Variants in HMCN1 observed in about 807,000 individuals in gnomAD.
The protein encoded by HMCN1 is hemicentin 1.
HMCN1 carries 321 observed loss-of-function variants against 625.9 expected under a neutral mutation model. That is an observed-to-expected ratio of 0.51 (90% CI 0.47 to 0.56). The LOEUF is 0.56. Ranked by LOEUF, HMCN1 falls within the 20% of genes least tolerant of loss-of-function variation. HMCN1 has a pLI of 0.00. For missense variants in HMCN1, 6,588 were observed against 6,887.3 expected, an observed-to-expected ratio of 0.96 and a Z score of 1.54; for synonymous variants, 2,425 against 2,417.6, an observed-to-expected ratio of 1.00 and a Z score of -0.09.
intron 18 of HMCN1, 95 bp from the exon 19 acceptor site, chr1:185,984,074 T>C: frequency 1.1e-6 from 1 of 899,680 alleles, no homozygotes; most frequent in Non-Finnish European, 1.7e-6. Context: ...AGACTTTTAG[T>C]AACCCAGTTG....
intron 10 of HMCN1, among the ~76,000 whole-genome samples, chr1:185,931,830 G>T (rs1032134072): frequency 6.6e-6 from 1 of 152,134 alleles, no homozygotes; most frequent in South Asian, 2.1e-4. Context: ...GAGCTAGAAG[G>T]AGTCTTTATG....
chr1:186,046,279 G>A (rs188219403), intron 41 of HMCN1, among the ~76,000 whole-genome samples: 1 of 152,198 alleles, frequency 6.6e-6, no homozygotes, highest in Non-Finnish European at 1.5e-5. Context: ...GACCAGCCCA[G>A]CCAACATGGT....
chr1:186,124,352 A>ATTTT (rs1209814328), intron 81 of HMCN1, among the ~76,000 whole-genome samples: 5 of 152,104 alleles, frequency 3.3e-5, no homozygotes, highest in Non-Finnish European at 5.9e-5. Flanking sequence ...CAAAATGTAC[A>ATTTT]GTGTGTGCTC....
At chr1:186,161,886 A>G (rs538490479) in intron 97 of HMCN1, among the ~76,000 whole-genome samples, 48 of 152,150 alleles carry the variant, frequency 3.2e-4, no homozygotes, top group African/African-American at 1.1e-3. Context: ...TGAATCTGAC[A>G]ATTATGTTTC....
At chr1:185,995,161 A>G in intron 24 of HMCN1, 74 bp downstream of exon 24, 2 of 1,305,362 alleles carry the variant, frequency 1.5e-6, no homozygotes, top group Non-Finnish European at 2.2e-6. Flanking sequence ...TAAATAGATT[A>G]TCTTCGATAA....
chr1:185,748,371 G>A (rs1239927647), intron 1 of HMCN1, among the ~76,000 whole-genome samples: 1 of 152,046 alleles, frequency 6.6e-6, no homozygotes, highest in African/African-American at 2.4e-5. Flanking sequence ...ATGTTGGAAT[G>A]TCCCCTATGT....
chr1:186,027,399 C>A (rs1233090404), intron 36 of HMCN1, among the ~76,000 whole-genome samples: 1 of 152,102 alleles, frequency 6.6e-6, no homozygotes, highest in Non-Finnish European at 1.5e-5. Flanking sequence ...TCTAATAGCC[C>A]AAGCATTCAT....
At chr1:185,916,713 A>C (rs1410788794) in intron 6 of HMCN1, among the ~76,000 whole-genome samples, 1 of 152,174 alleles carries the variant, frequency 6.6e-6, no homozygotes, top group Admixed American at 6.5e-5. Context: ...TCAATTTATA[A>C]AAGGTAAGGT....
At chr1:185,871,286 T>C (rs1001779395) in intron 4 of HMCN1, among the ~76,000 whole-genome samples, 1 of 151,054 alleles carries the variant, frequency 6.6e-6, no homozygotes, top group African/African-American at 2.4e-5. Flanking sequence ...GAAATGATTA[T>C]TAGAAAATGA....
Position 185,865,735 on chromosome 1 carries a change from T to A in HMCN1, c.499-6T>A, listed in dbSNP as rs765000483. 21 of 1,598,084 alleles carry A rather than the reference T, an allele frequency of 1.3e-5. No homozygotes were observed. The highest frequency in any genetic ancestry group is 1.8e-5 in the Non-Finnish European group (21 of 1,169,586). The stretch of plus-strand genomic sequence containing the variant: ...ACACTGTTTCTTTTTTTTTTTTTAA[T>A]CATAGGTCGTATTTGTTCTGACTGG... On this transcript the variant is annotated splice_polypyrimidine_tract_variant and splice_region_variant and intron_variant, in intron 3 of 106. Transcript: ENST00000271588.
chr1:186,114,577 A>AGCATAATCCCTAAGGCTTATGTCT (rs1661039394), intron 73 of HMCN1, among the ~76,000 whole-genome samples: 2 of 152,108 alleles, frequency 1.3e-5, no homozygotes, highest in African/African-American at 4.8e-5. Context: ...GTATTTTAAA[A>AGCATAATCCCTAAGGCTTATGTCT]GCATAATCCC....
chr1:185,980,596 GTGGTGCAGAGCACCACCATTGA>G (rs573729912), intron 16 of HMCN1, among the ~76,000 whole-genome samples: 445 of 152,278 alleles, frequency 2.9e-3, no homozygotes, highest in East Asian at 5.4e-3. Context: ...TAACAGGGTG[GTGGTGCAGAGCACCACCATTGA>G]TGGTGCAGCT....
intron 1 of HMCN1, among the ~76,000 whole-genome samples, chr1:185,785,196 GA>G (rs1657476253): frequency 6.6e-6 from 1 of 152,160 alleles, no homozygotes; most frequent in African/African-American, 2.4e-5. Flanking sequence ...CAGTTGCTTG[GA>G]AATAGGTAGA....
chr1:185,902,146 C>G (rs1665838097), intron 4 of HMCN1, among the ~76,000 whole-genome samples: 1 of 151,536 alleles, frequency 6.6e-6, no homozygotes, highest in South Asian at 2.1e-4. Context: ...GAGCCTATAT[C>G]CATTTATGAA....
chr1:185,778,908 G>A (rs970980842), intron 1 of HMCN1, among the ~76,000 whole-genome samples: 2 of 152,258 alleles, frequency 1.3e-5, no homozygotes, highest in Admixed American at 6.5e-5. Context: ...CTAGATCCTT[G>A]AGGAATTGCC....
intron 50 of HMCN1, among the ~76,000 whole-genome samples, chr1:186,068,955 C>T (rs1274425315): frequency 6.6e-6 from 1 of 150,716 alleles, no homozygotes; most frequent in Non-Finnish European, 1.5e-5. Context: ...GTTGCTTAGT[C>T]AGAACTTGGA....
At chr1:185,795,399 A>G (rs1658303378) in intron 1 of HMCN1, among the ~76,000 whole-genome samples, 1 of 152,050 alleles carries the variant, frequency 6.6e-6, no homozygotes, top group Non-Finnish European at 1.5e-5. Context: ...TTTTCCCAAG[A>G]GCTGCATGTT....
In HMCN1 at chr1:185,928,528, C is replaced by T. The variant is rs1414998495; in HGVS notation, c.1431-18C>T. On this transcript the variant is annotated intron_variant, in intron 9 of 106. Transcript: ENST00000271588. Reference sequence around the variant, plus strand: ...TTATTTTATAGTAACTAAAAGTTTTCCATTTTCTTACCTCCAGAGAATCTG... The same window carrying T: ...TTATTTTATAGTAACTAAAAGTTTTTCATTTTCTTACCTCCAGAGAATCTG... The T allele has an allele frequency of 6.2e-7, 1 of 1,609,114 alleles. No individual in the cohort carries two copies. Among genetic ancestry groups the T allele is most frequent in the African/African-American group, 1.3e-5 (1 of 74,910 alleles).
intron 57 of HMCN1, 113 bp downstream of exon 57, chr1:186,083,074 G>A (rs1353110083): frequency 2.1e-6 from 1 of 468,518 alleles, no homozygotes; most frequent in Non-Finnish European, 3.8e-6. Context: ...AATGTGAGGA[G>A]CCTATACTCA....
Sources: gnomAD v4.1 joint callset for allele counts (sites outside exome capture counted in the v4.1 genomes callset) on GRCh38, gnomAD v4.1.1 for gene constraint, MANE v1.5 for transcripts, NCBI Gene and HGNC (gene_info 2026-07-23, HGNC 2026-07-21) for gene names.